VGLL1: variants seen among roughly 807,000 people sequenced by gnomAD.
VGLL1 encodes vestigial like family member 1, also known as transcription cofactor vestigial-like protein 1.
VGLL1 carries 4 observed loss-of-function variants against 12.0 expected under a neutral mutation model. The observed-to-expected ratio is 0.33, with a 90% CI of 0.16 to 0.76. The LOEUF is 0.76. Ranked by LOEUF, VGLL1 falls within the 30% of genes least tolerant of loss-of-function variation. The pLI is 0.60. For missense variants in VGLL1, 204 were observed against 208.7 expected (o/e 0.98, Z 0.14); for synonymous variants, 87 against 81.2 (o/e 1.07, Z -0.39).
chrX:136,538,759 A>G (rs1286247779), intron 2 of VGLL1, among the ~76,000 whole-genome samples: 1 of 112,442 alleles, frequency 8.9e-6, no homozygotes, highest in South Asian at 3.7e-4. Flanking sequence ...TCACCTTTGC[A>G]GAATTTACTT....
chrX:136,543,544 G>A (rs2075861918), intron 2 of VGLL1, among the ~76,000 whole-genome samples: 2 of 111,060 alleles, frequency 1.8e-5, no homozygotes, highest in Non-Finnish European at 3.8e-5. Flanking sequence ...CTTTGGGAGG[G>A]CCAGGCATTC....
chrX:136,550,631 C>A, intron 3 of VGLL1, 137 bp from the exon 4 acceptor site: 1 of 436,314 alleles, frequency 2.3e-6, no homozygotes. Flanking sequence ...GTTTTTGTAG[C>A]ATCTGATATG....
chrX:136,547,639 A>T (rs2075872950), intron 2 of VGLL1, among the ~76,000 whole-genome samples: 1 of 111,924 alleles, frequency 8.9e-6, no homozygotes, highest in South Asian at 3.7e-4. Context: ...GAGTTGTGTG[A>T]GTGACCAGCA....
intron 4 of VGLL1, 35 bp downstream of exon 4, chrX:136,550,856 CTG>C: frequency 8.6e-7 from 1 of 1,163,995 alleles, no homozygotes; most frequent in Non-Finnish European, 1.2e-6. Flanking sequence ...TGGTGTGTGT[CTG>C]TATCCTGAGA....
intron 1 of VGLL1, among the ~76,000 whole-genome samples, chrX:136,533,633 G>C (rs770242493): frequency 3.0e-4 from 34 of 112,140 alleles, no homozygotes; most frequent in African/African-American, 1.1e-3. Context: ...GCAGCAGACA[G>C]AGGCTTCAAG....
At chrX:136,549,161 T>C (rs1460099315) in intron 3 of VGLL1, among the ~76,000 whole-genome samples, 153 bp downstream of exon 3, 1 of 111,800 alleles carries the variant, frequency 8.9e-6, no homozygotes, top group Non-Finnish European at 1.9e-5. Flanking sequence ...GTTCCATACA[T>C]CTTCACTAGG....
Position 136,536,246 on chromosome X carries a change from G to T in VGLL1, c.214+12G>T, listed in dbSNP as rs1239378180. ...GATGCTGAAAAACGGTGAGCATGTG[G>T]GGAGGGAGGGAGCTGGGATTCCCTA... On this transcript the variant is annotated intron_variant, in intron 2 of 4. Transcript: ENST00000370634. The T allele has an allele frequency of 8.3e-7, 1 of 1,200,637 alleles. No homozygotes were observed. Among genetic ancestry groups the T allele is most frequent in the South Asian group, 1.8e-5 (1 of 56,600 alleles).
chrX:136,535,023 G>A (rs1603308008), intron 1 of VGLL1, among the ~76,000 whole-genome samples: 1 of 111,841 alleles, frequency 8.9e-6, no homozygotes, highest in Non-Finnish European at 1.9e-5. Context: ...AGTCAGATTC[G>A]GTGATCAAAG....
At chrX:136,552,281 A>G (rs2075888523) in intron 4 of VGLL1, among the ~76,000 whole-genome samples, 1 of 112,031 alleles carries the variant, frequency 8.9e-6, no homozygotes, top group South Asian at 3.7e-4. Flanking sequence ...CTGGTGATTA[A>G]TTGGCCATGC....
intron 2 of VGLL1, among the ~76,000 whole-genome samples, chrX:136,540,168 G>GTAA (rs1569360642): frequency 4.0e-4 from 45 of 111,493 alleles, no homozygotes; most frequent in African/African-American, 1.5e-3. Flanking sequence ...CAGAATGGTA[G>GTAA]CATTAAAATG....
intron 2 of VGLL1, among the ~76,000 whole-genome samples, chrX:136,547,067 A>G (rs1020259102): frequency 1.8e-5 from 2 of 112,391 alleles, no homozygotes; most frequent in South Asian, 3.7e-4. Context: ...AGAATTTTTT[A>G]TCTTGTACAC....
At chrX:136,532,630 T>TTTCTTTC (rs1569359200) in intron 1 of VGLL1, among the ~76,000 whole-genome samples, 2 of 98,233 alleles carry the variant, frequency 2.0e-5, no homozygotes, top group South Asian at 4.8e-4. Context: ...TCTTTCTTTC[T>TTTCTTTC]TTCTTTCTTT....
At chrX:136,534,093 C>T (rs919235497) in intron 1 of VGLL1, among the ~76,000 whole-genome samples, 1 of 112,406 alleles carries the variant, frequency 8.9e-6, no homozygotes, top group African/African-American at 3.2e-5. Flanking sequence ...ATTCATAACA[C>T]CTTGGTTTTT....
chrX:136,534,160 A>G (rs1208007531), intron 1 of VGLL1, among the ~76,000 whole-genome samples: 2 of 112,761 alleles, frequency 1.8e-5, no homozygotes, highest in Admixed American at 9.4e-5. Flanking sequence ...AAATAAAGGA[A>G]TAATTTACCT....
At chrX:136,545,852 G>A (rs963784823) in intron 2 of VGLL1, among the ~76,000 whole-genome samples, 1 of 111,168 alleles carries the variant, frequency 9.0e-6, no homozygotes, top group African/African-American at 3.3e-5. Context: ...GAAAGCAGGG[G>A]GAATGGCCTG....
intron 2 of VGLL1, among the ~76,000 whole-genome samples, chrX:136,545,708 G>T (rs945456516): frequency 3.6e-5 from 4 of 111,431 alleles, no homozygotes; most frequent in Non-Finnish European, 5.6e-5. Flanking sequence ...GGGCCTCCAT[G>T]CAAGGATAAA....
intron 2 of VGLL1, among the ~76,000 whole-genome samples, chrX:136,539,808 C>G (rs1333700577): frequency 9.0e-6 from 1 of 111,649 alleles, no homozygotes; most frequent in Non-Finnish European, 1.9e-5. Flanking sequence ...CTTAACATGC[C>G]TAATAGGAAA....
In VGLL1 at chrX:136,556,689, G is replaced by A; in HGVS notation, c.*150G>A. 2.2e-6 allele frequency: 1 copy of A among 461,209 alleles called. No homozygotes were observed. Among genetic ancestry groups the A allele is most frequent in the Non-Finnish European group, 3.6e-6 (1 of 277,945 alleles). 38.0% of individuals were successfully genotyped at this position (461,209 alleles called of 1,213,427 possible). ...CGTGTCTAGTATGAGCTCAGTACTT[G>A]CCCTGTGAAAATCCCAGAAGCCCCC... On this transcript the variant is annotated 3_prime_UTR_variant, in exon 5 of 5. Coordinates refer to ENST00000370634, the MANE Select transcript of VGLL1 (RefSeq NM_016267.4).
At chrX:136,539,965 A>T (rs909045107) in intron 2 of VGLL1, among the ~76,000 whole-genome samples, 20 of 111,510 alleles carry the variant, frequency 1.8e-4, no homozygotes, top group African/African-American at 6.2e-4. Context: ...CTCACACCCC[A>T]CATCCAATCC....
Sources: gnomAD v4.1 joint callset for allele counts (sites outside exome capture counted in the v4.1 genomes callset) on GRCh38, gnomAD v4.1.1 for gene constraint, MANE v1.5 for transcripts, NCBI Gene and HGNC (gene_info 2026-07-23, HGNC 2026-07-21) for gene names.